The following TIAM2 variants were observed in gnomAD, a reference collection of about 807,000 sequenced individuals.
The protein encoded by TIAM2 is rho guanine nucleotide exchange factor TIAM2.
A neutral mutation model predicts 152.9 loss-of-function variants in TIAM2; 80 were observed. That is an observed-to-expected ratio of 0.52 (90% CI 0.44 to 0.63). The LOEUF (loss-of-function observed/expected upper bound fraction) is 0.63, where lower values mean the gene tolerates loss of function less well. TIAM2 is among the 30% of genes least tolerant of loss of function. The pLI is 0.00. For missense variants in TIAM2, 1,965 were observed against 2,120.1 expected, an observed-to-expected ratio of 0.93 and a Z score of 1.44; for synonymous variants, 804 against 838.0, an observed-to-expected ratio of 0.96 and a Z score of 0.70.
At position 155,028,622 on chromosome 6, in the gene TIAM2, A is replaced by AATATATATACTGTTATATATATACTACAT. The variant is rs1554225339; in HGVS notation, c.-209+33143_-209+33144insTATATATATACTACATATATATATACTGT. Reference sequence around the variant, plus strand: ...ATACTGTGTTATATATACTACATATAATATATATACTGTGTTATATATATA... The same window carrying AATATATATACTGTTATATATATACTACAT: ...ATACTGTGTTATATATACTACATATAATATATATACTGTTATATATATACTACATATATATATACTGTGTTATATATATA... On this transcript the variant is annotated intron_variant, in intron 1 of 26. Coordinates refer to ENST00000682666, the MANE Select transcript of TIAM2 (RefSeq NM_012454.4). 5.1e-5 allele frequency among the ~76,000 whole-genome samples: 5 copies of AATATATATACTGTTATATATATACTACAT among 98,140 alleles called. No individual in the cohort carries two copies. The East Asian group carries it at 1.1e-3, about 22-fold the overall frequency. The allele number at this position is 98,140 out of a possible 152,430, so 64.4% of individuals were successfully genotyped here.
Position 155,256,879 on chromosome 6 carries a change from GGA to G in TIAM2, c.4868_4869del (p.Glu1623AlafsTer13), listed in dbSNP as rs1333730521. 5.0e-6 allele frequency: 8 copies of G among 1,614,116 alleles called. No individual in the cohort carries two copies. Among genetic ancestry groups the G allele is most frequent in the Admixed American group, 1.7e-5 (1 of 60,012 alleles). On this transcript the variant is annotated frameshift_variant, in exon 27 of 27. Transcript: ENST00000682666. LOFTEE classifies it high-confidence loss of function. ...GPESGEGQKGGEQPKLVRGHF... is the reference protein window; with the variant it reads ...GPESGEGQKGXEQPKLVRGHF... ...GGAGTCGGGTGAGGGTCAGAAAGGAGGAGAGCAGCCCAAACTGGTCCGGGGGC... is the reference window on the plus strand; with the variant it reads ...GGAGTCGGGTGAGGGTCAGAAAGGAGGAGCAGCCCAAACTGGTCCGGGGGC...
intron 7 of TIAM2, among the ~76,000 whole-genome samples, chr6:155,151,749 G>T (rs1779974121): frequency 6.6e-6 from 1 of 151,990 alleles, no homozygotes; most frequent in African/African-American, 2.4e-5. Flanking sequence ...ACAAGGGCCT[G>T]GTCCCAAGTG....
chr6:155,051,141 G>A (rs547266129), intron 1 of TIAM2, among the ~76,000 whole-genome samples: 2 of 152,320 alleles, frequency 1.3e-5, no homozygotes, highest in South Asian at 4.1e-4. Flanking sequence ...GTAGGGGAAG[G>A]TTTGACATGG....
intron 5 of TIAM2, 71 bp from the exon 6 acceptor site, chr6:155,144,535 A>C (rs1255898358): frequency 7.2e-7 from 1 of 1,395,204 alleles, no homozygotes; most frequent in East Asian, 2.8e-5. Context: ...AAAGTGTGTC[A>C]CTTACCCTCC....
intron 5 of TIAM2, among the ~76,000 whole-genome samples, chr6:155,141,551 G>A (rs758187449): frequency 2.6e-5 from 4 of 152,276 alleles, no homozygotes; most frequent in East Asian, 3.9e-4. Flanking sequence ...TATGAGGGAC[G>A]TACATGTTTT....
chr6:155,021,675 A>G (rs2114866132), intron 1 of TIAM2, among the ~76,000 whole-genome samples: 1 of 152,166 alleles, frequency 6.6e-6, no homozygotes, highest in East Asian at 1.9e-4. Context: ...ACCTCTGCAA[A>G]GTGCTAGGGT....
In TIAM2 at chr6:155,256,812, G is replaced by C; in HGVS notation, c.4797G>C (p.Glu1599Asp). Residue 1599 changes from glutamate to aspartate, a missense_variant, in exon 27 of 27, where the codon GAG becomes GAC. Glu to Asp is a conservative substitution (Grantham distance 45, BLOSUM62 2). This residue lies in a region of TIAM2 where 935 missense variants were observed against 980.0 expected (regional missense o/e 0.95). Transcript: ENST00000682666. Reference protein sequence around the residue: ...EIQFQRLRISEDPDVHPEAEQ... With the variant: ...EIQFQRLRISDDPDVHPEAEQ... ...AGTTCCAGAGACTGAGGATTTCCGA[G>C]GACCCAGACGTTCACCCCGAGGCTG... 1 of 1,614,192 alleles carries C rather than the reference G, an allele frequency of 6.2e-7. No individual in the cohort carries two copies. Among genetic ancestry groups the C allele is most frequent in the Non-Finnish European group, 8.5e-7 (1 of 1,180,044 alleles).
chr6:155,222,629 ACAC>A (rs752869175), intron 15 of TIAM2, among the ~76,000 whole-genome samples: 6 of 87,408 alleles, frequency 6.9e-5, no homozygotes, highest in African/African-American at 2.9e-4. Context: ...AAAAAAAAAA[ACAC>A]AAAAAAAACC....
At chr6:155,187,573 C>CCTTTTTTTTTTTTTTTTTTTTTTTTT (rs1189509294) in intron 14 of TIAM2, among the ~76,000 whole-genome samples, 5 of 49,624 alleles carry the variant, frequency 1.0e-4, no homozygotes, top group Non-Finnish European at 1.8e-4. Context: ...ACCCCGCCCC[C>CCTTTTTTTTTTTTTTTTTTTTTTTTT]TTTTTTTTTT....
intron 2 of TIAM2, among the ~76,000 whole-genome samples, chr6:155,112,837 C>T (rs1244048326): frequency 1.3e-5 from 2 of 152,134 alleles, no homozygotes; most frequent in East Asian, 1.9e-4. Flanking sequence ...GCTCTCCCTT[C>T]GGCCCTCCAG....
Position 155,056,591 on chromosome 6 carries a change from AATG to A in TIAM2, c.-208-33695_-208-33693del, listed in dbSNP as rs1231407952. ...TTTGCACTCTGACCAATGATAGTAT[AATG>A]ATACCATTCATTTATCTCTTGACTA... On this transcript the variant is annotated intron_variant, in intron 1 of 26. Transcript: ENST00000682666. Among the ~76,000 whole-genome samples, 4 of 151,462 alleles carry A rather than the reference AATG, an allele frequency of 2.6e-5. No homozygotes were observed. In the South Asian group the frequency reaches 8.5e-4, roughly 32 times the overall value.
At chr6:155,106,343 AG>A (rs1350241724) in intron 2 of TIAM2, among the ~76,000 whole-genome samples, 1 of 152,234 alleles carries the variant, frequency 6.6e-6, no homozygotes, top group East Asian at 1.9e-4. Flanking sequence ...CTTTCATCAA[AG>A]GATATAGCAA....
At position 155,027,038 on chromosome 6, in the gene TIAM2, T is replaced by G. The variant is rs537750013; in HGVS notation, c.-209+31546T>G. Among the ~76,000 whole-genome samples, 12 of 152,140 alleles carry G rather than the reference T, an allele frequency of 7.9e-5. No homozygotes were observed. The South Asian group carries it at 2.5e-3, about 32-fold the overall frequency. On this transcript the variant is annotated intron_variant, in intron 1 of 26. Coordinates refer to ENST00000682666, the MANE Select transcript of TIAM2 (RefSeq NM_012454.4). ...TGTTCATTAGCAAACTATTAAATAT[T>G]TTTTACCTTTTTTTTGAGATGGAGT...
intron 1 of TIAM2, among the ~76,000 whole-genome samples, chr6:155,056,095 A>T (rs946496489): frequency 6.6e-6 from 1 of 151,298 alleles, no homozygotes; most frequent in African/African-American, 2.4e-5. Flanking sequence ...AATTTTTTTT[A>T]ATTTTTAAAT....
At chr6:155,089,907 CTGT>C (rs1562312526) in intron 1 of TIAM2, among the ~76,000 whole-genome samples, 1 of 124,846 alleles carries the variant, frequency 8.0e-6, no homozygotes, top group Non-Finnish European at 2.0e-5. Flanking sequence ...TAGGCTTGCT[CTGT>C]CTGTCAATCA....
chr6:155,051,313 C>CACA, intron 1 of TIAM2, among the ~76,000 whole-genome samples: 2 of 152,202 alleles, frequency 1.3e-5, no homozygotes, highest in East Asian at 3.9e-4. Context: ...GCCCTGGGAG[C>CACA]AGAGCCCGCT....
intron 15 of TIAM2, among the ~76,000 whole-genome samples, chr6:155,228,543 C>T (rs558397277): frequency 1.6e-4 from 25 of 152,062 alleles, no homozygotes; most frequent in East Asian, 7.7e-4. Context: ...TCTTTCTTTC[C>T]GGGTGAAAAA....
At chr6:155,250,185 C>T (rs1783564607) in intron 21 of TIAM2, among the ~76,000 whole-genome samples, 1 of 151,992 alleles carries the variant, frequency 6.6e-6, no homozygotes, top group Non-Finnish European at 1.5e-5. Context: ...GTCACGTTCA[C>T]ATTGTCTGGA....
chr6:155,026,138 T>A (rs1458517404), intron 1 of TIAM2, among the ~76,000 whole-genome samples: 1 of 152,168 alleles, frequency 6.6e-6, no homozygotes, highest in Non-Finnish European at 1.5e-5. Flanking sequence ...CAGCTTTGTC[T>A]TCTTAAATTG....
Sources: allele counts gnomAD v4.1 joint callset (sites outside exome capture counted in the v4.1 genomes callset), GRCh38; gene constraint gnomAD v4.1.1; regional missense constraint gnomAD v4.1.1; transcripts MANE v1.5; gene names NCBI Gene and HGNC (gene_info 2026-07-23, HGNC 2026-07-21).